The following PDZRN4 variants were observed in gnomAD, a reference collection of about 807,000 sequenced individuals.
The protein encoded by PDZRN4 is PDZ domain containing ring finger 4, also known as PDZ domain-containing RING finger protein 4.
PDZRN4 carries 70 observed loss-of-function variants against 99.0 expected under a neutral mutation model. The observed-to-expected ratio is 0.71, with a 90% CI of 0.58 to 0.86. The LOEUF (loss-of-function observed/expected upper bound fraction) is 0.86. PDZRN4 is among the 40% of genes least tolerant of loss of function. The pLI, the probability that PDZRN4 is intolerant of heterozygous loss-of-function variation, is 0.00. For missense variants in PDZRN4, 1,474 were observed against 1,331.2 expected (o/e 1.11, Z -1.67); for synonymous variants, 551 against 501.6 (o/e 1.10, Z -1.32).
intron 3 of PDZRN4, among the ~76,000 whole-genome samples, chr12:41,219,924 C>G (rs1950943045): frequency 6.6e-6 from 1 of 152,182 alleles, no homozygotes; most frequent in East Asian, 1.9e-4. Flanking sequence ...GTCAGTTTGA[C>G]CTCAAGATGT....
At chr12:41,399,410 A>G (rs1952273681) in intron 3 of PDZRN4, among the ~76,000 whole-genome samples, 1 of 152,180 alleles carries the variant, frequency 6.6e-6, no homozygotes, top group Admixed American at 6.6e-5. Context: ...TCAATGGTAC[A>G]CACTTAAAAA....
intron 3 of PDZRN4, among the ~76,000 whole-genome samples, chr12:41,441,216 G>T (rs920213242): frequency 6.6e-6 from 1 of 152,078 alleles, no homozygotes; most frequent in African/African-American, 2.4e-5. Context: ...TGATATGCAA[G>T]ATTCTATTCT....
chr12:41,271,413 A>G (rs1004571300), intron 3 of PDZRN4, among the ~76,000 whole-genome samples: 4 of 152,118 alleles, frequency 2.6e-5, no homozygotes, highest in African/African-American at 4.8e-5. Flanking sequence ...TTTTAAAGGT[A>G]TCTTTCACAT....
In PDZRN4 at chr12:41,380,461, G is replaced by A. The variant is rs112290711; in HGVS notation, c.844-125995G>A. 4.7e-3 allele frequency among the ~76,000 whole-genome samples: 711 copies of A among 151,700 alleles called. 4 individuals are homozygous for A. Among genetic ancestry groups the A allele is most frequent in the African/African-American group, 0.015 (630 of 41,422 alleles). On this transcript the variant is annotated intron_variant, in intron 3 of 9. Coordinates refer to ENST00000402685, the MANE Select transcript of PDZRN4 (RefSeq NM_001164595.2). The stretch of plus-strand genomic sequence containing the variant: ...ATTGTGACTTGATGACTTTTTTGTG[G>A]CAGCATACTTTGATTCCTTTCTGTT...
At position 41,512,733 on chromosome 12, in the gene PDZRN4, G is replaced by C. The variant is rs575957911; in HGVS notation, c.1203+2820G>C. 2.0e-5 allele frequency among the ~76,000 whole-genome samples: 3 copies of C among 152,188 alleles called. No homozygotes were observed. The East Asian group carries it at 5.8e-4, about 30-fold the overall frequency. Reference sequence around the variant, plus strand: ...AAGCAAAGTCAGCTGAGAGGGAGTGGGGTATTGGACCTGGGCGGTGATAGC... The same window carrying C: ...AAGCAAAGTCAGCTGAGAGGGAGTGCGGTATTGGACCTGGGCGGTGATAGC... On this transcript the variant is annotated intron_variant, in intron 5 of 9. Transcript: ENST00000402685.
intron 3 of PDZRN4, among the ~76,000 whole-genome samples, chr12:41,339,012 C>T (rs1951796006): frequency 6.6e-6 from 1 of 151,768 alleles, no homozygotes. Context: ...AATCATTCTA[C>T]AGATTCAATA....
chr12:41,331,240 A>G (rs1176197931), intron 3 of PDZRN4, among the ~76,000 whole-genome samples: 1 of 152,154 alleles, frequency 6.6e-6, no homozygotes, highest in Non-Finnish European at 1.5e-5. Flanking sequence ...ATTCTACTGC[A>G]TTAAGACCTG....
intron 3 of PDZRN4, among the ~76,000 whole-genome samples, chr12:41,268,301 C>T (rs1951292396): frequency 6.6e-6 from 1 of 152,192 alleles, no homozygotes; most frequent in South Asian, 2.1e-4. Flanking sequence ...GAGGCCAGAT[C>T]TCACACAAAA....
chr12:41,570,662 G>C (rs973506745), intron 9 of PDZRN4, among the ~76,000 whole-genome samples: 5 of 151,982 alleles, frequency 3.3e-5, no homozygotes, highest in Non-Finnish European at 7.4e-5. Context: ...TAAATAACAC[G>C]ATATATAAAT....
intron 3 of PDZRN4, among the ~76,000 whole-genome samples, chr12:41,288,742 C>A (rs572310554): frequency 9.9e-5 from 15 of 152,188 alleles, no homozygotes; most frequent in African/African-American, 2.4e-4. Context: ...TCACCATGAC[C>A]TCATTTATTT....
chr12:41,516,874 A>G (rs1938409335), intron 5 of PDZRN4, among the ~76,000 whole-genome samples: 1 of 151,890 alleles, frequency 6.6e-6, no homozygotes. Flanking sequence ...TCATAATCAC[A>G]TGTTGTATAA....
chr12:41,296,673 T>A (rs1368756642), intron 3 of PDZRN4, among the ~76,000 whole-genome samples: 1 of 152,102 alleles, frequency 6.6e-6, no homozygotes, highest in Non-Finnish European at 1.5e-5. Flanking sequence ...TTAAAAAATC[T>A]GTAAGGCTGG....
intron 3 of PDZRN4, among the ~76,000 whole-genome samples, chr12:41,340,302 A>T (rs1279513366): frequency 6.6e-6 from 1 of 152,046 alleles, no homozygotes; most frequent in Non-Finnish European, 1.5e-5. Flanking sequence ...GGAGGACATT[A>T]TGTTAAGTGA....
At chr12:41,563,779 C>A in intron 8 of PDZRN4, 130 bp downstream of exon 8, 1 of 651,720 alleles carries the variant, frequency 1.5e-6, no homozygotes. Flanking sequence ...TTATCTCTCC[C>A]CATATAACCC....
intron 5 of PDZRN4, among the ~76,000 whole-genome samples, chr12:41,536,064 T>C (rs1224864718): frequency 6.6e-6 from 1 of 152,202 alleles, no homozygotes; most frequent in East Asian, 1.9e-4. Flanking sequence ...CCATGGGCTT[T>C]GTCTCCTGTC....
At chr12:41,386,820 G>T (rs1288779338) in intron 3 of PDZRN4, among the ~76,000 whole-genome samples, 1 of 152,036 alleles carries the variant, frequency 6.6e-6, no homozygotes, top group Non-Finnish European at 1.5e-5. Context: ...AAGTAAGACT[G>T]CACACCTACA....
intron 3 of PDZRN4, among the ~76,000 whole-genome samples, chr12:41,360,685 G>T (rs183292867): frequency 1.1e-4 from 17 of 152,056 alleles, no homozygotes; most frequent in Admixed American, 1.1e-3. Flanking sequence ...AAACTGAATA[G>T]ACTAAAGGTG....
At position 41,351,980 on chromosome 12, in the gene PDZRN4, A is replaced by AAAATAAATAAATAAATAAATAAATAAAT. The variant is rs138301663; in HGVS notation, c.844-154449_844-154448insTAAATAAATAAATAAATAAATAAATAAA. On this transcript the variant is annotated intron_variant, in intron 3 of 9. Coordinates refer to ENST00000402685, the MANE Select transcript of PDZRN4 (RefSeq NM_001164595.2). The stretch of plus-strand genomic sequence containing the variant: ...GGCAACAAAGAGAGACCATTGTCTC[A>AAAATAAATAAATAAATAAATAAATAAAT]AAATAAATAAATAAATAAATAAATA... 3.9e-4 allele frequency among the ~76,000 whole-genome samples: 56 copies of AAAATAAATAAATAAATAAATAAATAAAT among 143,068 alleles called. 1 individual carries two copies. The highest frequency in any genetic ancestry group is 1.0e-3 in the African/African-American group (39 of 38,906). 93.9% of individuals were successfully genotyped at this position (143,068 alleles called of 152,430 possible). A position where few individuals can be genotyped will look rare whatever the true frequency, so the allele number is the denominator to read the frequency against.
At chr12:41,408,473 A>G (rs1284464047) in intron 3 of PDZRN4, among the ~76,000 whole-genome samples, 1 of 152,186 alleles carries the variant, frequency 6.6e-6, no homozygotes, top group Non-Finnish European at 1.5e-5. Context: ...TGATTAAAAC[A>G]TCATCATTTT....
Sources: allele counts gnomAD v4.1 joint callset (sites outside exome capture counted in the v4.1 genomes callset), GRCh38; gene constraint gnomAD v4.1.1; transcripts MANE v1.5; gene names NCBI Gene and HGNC (gene_info 2026-07-23, HGNC 2026-07-21).